TCHP: variants seen among roughly 807,000 people sequenced by gnomAD.
TCHP encodes trichoplein keratin filament binding.
Under a neutral mutation model 88.7 loss-of-function variants are expected in TCHP, and 81 were observed. That is an observed-to-expected ratio of 0.91 (90% CI 0.76 to 1.10). TCHP has a LOEUF of 1.10. TCHP is among the 50% of genes least tolerant of loss of function. The probability of loss-of-function intolerance (pLI) is 0.00; values close to 1 mark genes in which losing one functional copy is unlikely to be tolerated. For missense variants in TCHP, 641 were observed against 632.1 expected, an observed-to-expected ratio of 1.01 and a Z score of -0.15; for synonymous variants, 232 against 232.5, an observed-to-expected ratio of 1.00 and a Z score of 0.02.
the TCHP span, among the ~76,000 whole-genome samples, chr12:109,882,501 T>C: frequency 3.4e-5 from 5 of 146,426 alleles, no homozygotes; most frequent in South Asian, 1.1e-3. Flanking sequence ...AAGAGCTTAG[T>C]GTGGTGCAAG....
At chr12:109,908,513 G>C in intron 6 of TCHP, 73 bp from the exon 7 acceptor site, 1 of 1,314,688 alleles carries the variant, frequency 7.6e-7, no homozygotes, top group Non-Finnish European at 1.1e-6. Flanking sequence ...GAAAAATGGA[G>C]ATGGAGAATG....
In TCHP at chr12:109,916,593, T is replaced by C; in HGVS notation, c.1467T>C (p.Pro489=). The change falls in exon 13 of 13, where the codon CCT becomes CCC. Residue 489 remains proline, a splice_region_variant and synonymous_variant. Transcript: ENST00000405876. ...TTATGTTTTCTTTCTTTTCTCAGCC[T>C]TACGGACATCCAAAAATTGCTTGGA... The part of the protein sequence containing the change: ...TMAEQGYRPK[P]YGHPKIAWN The C allele has an allele frequency of 6.2e-7, 1 of 1,613,520 alleles. No individual in the cohort carries two copies. Among genetic ancestry groups the C allele is most frequent in the Non-Finnish European group, 8.5e-7 (1 of 1,179,780 alleles).
chr12:109,882,760 C>T, the TCHP span, among the ~76,000 whole-genome samples: 9 of 147,730 alleles, frequency 6.1e-5, no homozygotes, highest in African/African-American at 2.3e-4. Flanking sequence ...CGGGTTCAGG[C>T]AATTCTCTGC....
chr12:109,915,613 GGGCCTGCTCATC>G, intron 12 of TCHP, 67 bp downstream of exon 12: 1 of 1,516,698 alleles, frequency 6.6e-7, no homozygotes, highest in South Asian at 1.3e-5. Context: ...CTGCTCCCCT[GGGCCTGCTCATC>G]GCCCCGCGCC....
rs530019246 is a variant in TCHP, at chr12:109,905,358, C to T, written c.456+565C>T. Among the ~76,000 whole-genome samples the T allele has an allele frequency of 1.3e-5, 2 of 152,290 alleles. No individual in the cohort carries two copies. The highest frequency in any genetic ancestry group is 2.4e-5 in the African/African-American group (1 of 41,572). ...GGAGAACCCCAAGAAATGACGCTGG[C>T]GAGGCAGAGGGTGCCAGACATCGGA... On this transcript the variant is annotated intron_variant, in intron 4 of 12. Transcript: ENST00000405876. This position sits in a 1 kb window ranked among gnomAD's most constrained non-coding sequence, Gnocchi z 4.0.
rs1870074341 is a variant in TCHP at position 109,905,460 on chromosome 12, T to C, written c.456+667T>C. Among the ~76,000 whole-genome samples, 1 of 152,116 alleles carries C rather than the reference T, an allele frequency of 6.6e-6. No individual in the cohort carries two copies. Among genetic ancestry groups the C allele is most frequent in the Non-Finnish European group, 1.5e-5 (1 of 68,014 alleles). On this transcript the variant is annotated intron_variant, in intron 4 of 12. Coordinates refer to ENST00000405876, the MANE Select transcript of TCHP (RefSeq NM_001143852.2). The surrounding 1 kb of genome is among the most constrained non-coding windows in gnomAD (Gnocchi z 4.0). ...CAGCTGCATTTCAGAGAGACTCCTCTGGTAGCAATGTGCCCGCCGACAGGG... is the reference window on the plus strand; with the variant it reads ...CAGCTGCATTTCAGAGAGACTCCTCCGGTAGCAATGTGCCCGCCGACAGGG...
intron 11 of TCHP, 65 bp from the exon 12 acceptor site, chr12:109,915,338 A>T: frequency 6.2e-7 from 1 of 1,611,540 alleles, no homozygotes; most frequent in East Asian, 2.2e-5. Context: ...TACCTTCCTC[A>T]TCAGAGGCAG....
At chr12:109,916,565 C>G (rs771258269) in intron 12 of TCHP, 26 bp from the exon 13 acceptor site, 1 of 1,611,006 alleles carries the variant, frequency 6.2e-7, no homozygotes, top group South Asian at 1.1e-5. Context: ...GATCTGATCA[C>G]TCTTATGTTT....
the TCHP span, among the ~76,000 whole-genome samples, chr12:109,888,978 T>A: frequency 1.3e-5 from 2 of 151,534 alleles, no homozygotes; most frequent in Non-Finnish European, 2.9e-5. Context: ...GGAGGACTCC[T>A]TGAGTCGAGG....
At chr12:109,907,093 TGC>T (rs1248196116) in intron 5 of TCHP, among the ~76,000 whole-genome samples, 1 of 152,210 alleles carries the variant, frequency 6.6e-6, no homozygotes, top group East Asian at 1.9e-4. Context: ...CTTGCTCTGT[TGC>T]TCAGGCTGGT....
intron 12 of TCHP, among the ~76,000 whole-genome samples, chr12:109,915,763 G>C (rs1177231350): frequency 6.6e-6 from 1 of 152,218 alleles, no homozygotes; most frequent in Non-Finnish European, 1.5e-5. Context: ...AAACCTTGAA[G>C]TGATTTTGCT....
At chr12:109,897,010 C>T (rs1020901636), upstream of TCHP, among the ~76,000 whole-genome samples, 2 of 152,124 alleles carry the variant, frequency 1.3e-5, no homozygotes, top group East Asian at 1.9e-4. Flanking sequence ...GCAAGGAACA[C>T]GATGATCCCT....
At chr12:109,912,459 TTTATAAGGAGATGGGGTA>T (rs1169712052) in intron 9 of TCHP, among the ~76,000 whole-genome samples, 1 of 152,192 alleles carries the variant, frequency 6.6e-6, no homozygotes, top group East Asian at 1.9e-4. Flanking sequence ...CCAATTCCTT[TTTATAAGGAGATGGGGTA>T]TTAAAAGGGT....
At chr12:109,889,704 G>A in the TCHP span, among the ~76,000 whole-genome samples, 1 of 152,218 alleles carries the variant, frequency 6.6e-6, no homozygotes, top group East Asian at 1.9e-4. Flanking sequence ...CAGTTTGCAT[G>A]CTGGCAGGCA....
chr12:109,911,281 C>T, intron 9 of TCHP, 46 bp downstream of exon 9: 1 of 1,121,914 alleles, frequency 8.9e-7, no homozygotes, highest in Non-Finnish European at 1.3e-6. Flanking sequence ...GGCCTCAACT[C>T]TGATACCTTG....
chr12:109,901,229 C>T (rs1404762545), intron 1 of TCHP, among the ~76,000 whole-genome samples: 2 of 133,846 alleles, frequency 1.5e-5, no homozygotes, highest in Non-Finnish European at 3.1e-5. Context: ...TTGTTTATCT[C>T]CTTTACTTCC....
chr12:109,895,242 T>G, the TCHP span, among the ~76,000 whole-genome samples: 1 of 149,292 alleles, frequency 6.7e-6, no homozygotes, highest in South Asian at 2.1e-4. Context: ...CAGTGTCTCA[T>G]TCTCTCACCC....
At chr12:109,895,768 AC>A (rs897149825), upstream of TCHP, among the ~76,000 whole-genome samples, 8 of 151,570 alleles carry the variant, frequency 5.3e-5, no homozygotes, top group Non-Finnish European at 1.0e-4. Context: ...CCATAGTGTC[AC>A]CCCCTCTCCC....
Position 109,908,658 on chromosome 12 carries a change from C to T in TCHP, c.772C>T (p.Arg258Ter), listed in dbSNP as rs146721398. 9.4e-6 allele frequency: 15 copies of T among 1,600,224 alleles called. No homozygotes were observed. The highest frequency in any genetic ancestry group is 5.7e-5 in the South Asian group (5 of 88,122). The change falls in exon 7 of 13, where the codon CGA becomes TGA. Residue 258 changes from arginine (R) to a stop codon, truncating the protein, a stop_gained. Coordinates refer to ENST00000405876, the MANE Select transcript of TCHP (RefSeq NM_001143852.2). LOFTEE classifies it high-confidence loss of function. ...RWELERLEEE[R>*]KQMEAFRQKA... ...GGAGCTAGAGAGGCTGGAGGAAGAGCGAAAGCAGATGGAAGCCTTCCGGCA... is the reference window on the plus strand; with the variant it reads ...GGAGCTAGAGAGGCTGGAGGAAGAGTGAAAGCAGATGGAAGCCTTCCGGCA...
Sources: gnomAD v4.1 joint callset for allele counts (sites outside exome capture counted in the v4.1 genomes callset) on GRCh38, gnomAD v4.1.1 for gene constraint, Gnocchi (gnomAD v3.1) non-coding constraint, MANE v1.5 for transcripts, NCBI Gene and HGNC (gene_info 2026-07-23, HGNC 2026-07-21) for gene names.